The following MAPK4 variants were observed in gnomAD, a reference collection of about 807,000 sequenced individuals.
The protein encoded by MAPK4 is mitogen-activated protein kinase 4, also known as Erk3-related.
MAPK4 carries 22 observed loss-of-function variants against 47.7 expected under a neutral mutation model. That is an observed-to-expected ratio of 0.46 (90% CI 0.33 to 0.66). MAPK4 has a LOEUF of 0.66. MAPK4 is among the 30% of genes least tolerant of loss of function. The probability of loss-of-function intolerance (pLI) is 0.02; values close to 1 mark genes in which losing one functional copy is unlikely to be tolerated. For synonymous variants in MAPK4, 390 were observed against 365.7 expected, an observed-to-expected ratio of 1.07 and a Z score of -0.76; for missense variants, 736 against 831.7, an observed-to-expected ratio of 0.88 and a Z score of 1.42.
intron 1 of MAPK4, among the ~76,000 whole-genome samples, chr18:50,581,638 C>T (rs753328): frequency 0.72 from 108,517 of 151,644 alleles, 39,131 homozygotes; most frequent in Non-Finnish European, 0.76. Flanking sequence ...AACCATCACA[C>T]AAAGCAGGTG....
At chr18:50,655,632 T>A (rs1363252189) in intron 1 of MAPK4, among the ~76,000 whole-genome samples, 1 of 151,720 alleles carries the variant, frequency 6.6e-6, no homozygotes, top group Non-Finnish European at 1.5e-5. Flanking sequence ...TTCCTGGGGG[T>A]CCCCCTGCCG....
intron 5 of MAPK4, among the ~76,000 whole-genome samples, chr18:50,728,756 G>A (rs1040615156): frequency 2.0e-5 from 3 of 152,204 alleles, no homozygotes; most frequent in African/African-American, 7.2e-5. Flanking sequence ...ATCAACATCT[G>A]CATTTTAGCA....
rs192575864 is a variant in MAPK4, at chr18:50,641,293, C to T, written c.-870-21796C>T. On this transcript the variant is annotated intron_variant, in intron 1 of 5. Transcript: ENST00000400384. The stretch of plus-strand genomic sequence containing the variant: ...TCCTGATGGGATTTGGACAAGTTTC[C>T]CTACCTTTCTTGGGTCTCAGTTTTC... 3.3e-5 allele frequency among the ~76,000 whole-genome samples: 5 copies of T among 151,958 alleles called. 1 individual carries two copies. In the South Asian group the frequency reaches 1.0e-3, roughly 31 times the overall value.
chr18:50,613,348 C>A (rs780916605), intron 1 of MAPK4, among the ~76,000 whole-genome samples: 3 of 152,202 alleles, frequency 2.0e-5, no homozygotes, highest in Non-Finnish European at 4.4e-5. Context: ...CCTCTAAGAC[C>A]TGAGTAGCCT....
In MAPK4 at chr18:50,594,927, C is replaced by A. The variant is rs569470627; in HGVS notation, c.-871+34684C>A. Among the ~76,000 whole-genome samples, 37 of 152,252 alleles carry A rather than the reference C, an allele frequency of 2.4e-4. No individual in the cohort carries two copies. The South Asian group carries it at 4.4e-3, about 18-fold the overall frequency. The stretch of plus-strand genomic sequence containing the variant: ...AAACATGGCAAAAGACTTGAAAAGA[C>A]ATTTGATCTACAATTGGCCAGTCAA... On this transcript the variant is annotated intron_variant, in intron 1 of 5. Transcript: ENST00000400384.
chr18:50,695,338 T>TA lies in MAPK4; in HGVS notation c.547-19715dup, dbSNP rs59857315. Among the ~76,000 whole-genome samples, 438 of 84,684 alleles carry TA rather than the reference T, an allele frequency of 5.2e-3. 7 individuals carry two copies. Among genetic ancestry groups the TA allele is most frequent in the Non-Finnish European group, 5.9e-3 (265 of 44,874 alleles). The allele number at this position is 84,684 out of a possible 152,430, so 55.6% of individuals were successfully genotyped here. A position where few individuals can be genotyped will look rare whatever the true frequency, so the allele number is the denominator to read the frequency against. On this transcript the variant is annotated intron_variant, in intron 2 of 5. Coordinates refer to ENST00000400384, the MANE Select transcript of MAPK4 (RefSeq NM_002747.4). ...CCTGGCCTAGGTCAAGGCTCCATCTTAAAAAAAAAAAAAAAAAAAAAAAAA... is the reference window on the plus strand; with the variant it reads ...CCTGGCCTAGGTCAAGGCTCCATCTTAAAAAAAAAAAAAAAAAAAAAAAAAA...
chr18:50,704,991 T>TG, intron 2 of MAPK4: 1 of 382,378 alleles, frequency 2.6e-6, no homozygotes, highest in Non-Finnish European at 4.6e-6. Flanking sequence ...AATAAAGCTC[T>TG]GAGTCTGACC....
intron 1 of MAPK4, among the ~76,000 whole-genome samples, chr18:50,623,445 A>G (rs1222696361): frequency 6.6e-6 from 1 of 152,290 alleles, no homozygotes; most frequent in East Asian, 1.9e-4. Flanking sequence ...GTCCAGCAAA[A>G]TAATTATCTT....
At chr18:50,649,662 A>G (rs1457399003) in intron 1 of MAPK4, among the ~76,000 whole-genome samples, 2 of 152,218 alleles carry the variant, frequency 1.3e-5, no homozygotes, top group African/African-American at 4.8e-5. Flanking sequence ...GCTCTGGCCC[A>G]TGCATTGGGT....
chr18:50,649,129 C>G (rs1245765861), intron 1 of MAPK4, among the ~76,000 whole-genome samples: 4 of 152,158 alleles, frequency 2.6e-5, no homozygotes, highest in Non-Finnish European at 4.4e-5. Context: ...AATCTTCCAT[C>G]CCAACCCCAG....
intron 2 of MAPK4, among the ~76,000 whole-genome samples, chr18:50,699,060 T>C (rs1909650544): frequency 1.3e-5 from 2 of 152,048 alleles, no homozygotes; most frequent in Admixed American, 1.3e-4. Context: ...ATATAAAATA[T>C]ATCCAAATTG....
At chr18:50,675,316 A>ATTTT (rs543288077) in intron 2 of MAPK4, among the ~76,000 whole-genome samples, 1 of 128,430 alleles carries the variant, frequency 7.8e-6, no homozygotes, top group African/African-American at 2.9e-5. Context: ...TTGGCAAACC[A>ATTTT]TTTTTTTTTT....
chr18:50,566,341 G>A (rs56156339), intron 1 of MAPK4, among the ~76,000 whole-genome samples: 9,092 of 152,242 alleles, frequency 0.06, 356 homozygotes, highest in Non-Finnish European at 0.087. Flanking sequence ...AGATTTTAGG[G>A]GTTTCTGGCC....
At chr18:50,721,284 C>G (rs1183519302) in intron 3 of MAPK4, among the ~76,000 whole-genome samples, 4 of 152,068 alleles carry the variant, frequency 2.6e-5, no homozygotes, top group Admixed American at 2.6e-4. Context: ...CAGCGTGATG[C>G]CTGGCATGGA....
At chr18:50,630,190 C>T (rs545921758) in intron 1 of MAPK4, among the ~76,000 whole-genome samples, 1 of 152,242 alleles carries the variant, frequency 6.6e-6, no homozygotes, top group East Asian at 1.9e-4. Flanking sequence ...CTGTTTCCTC[C>T]TGTCTTTTTT....
chr18:50,703,748 A>G (rs755367690), intron 2 of MAPK4, among the ~76,000 whole-genome samples: 1 of 152,176 alleles, frequency 6.6e-6, no homozygotes, highest in Non-Finnish European at 1.5e-5. Context: ...CCCCATCTAG[A>G]AGATTCTGAG....
chr18:50,605,500 C>T (rs1442447324), intron 1 of MAPK4, among the ~76,000 whole-genome samples: 1 of 152,210 alleles, frequency 6.6e-6, no homozygotes, highest in African/African-American at 2.4e-5. Context: ...AAGCTGCTTC[C>T]ACCTTGCAAG....
chr18:50,689,731 AT>A (rs1183176726), intron 2 of MAPK4, among the ~76,000 whole-genome samples: 5 of 152,132 alleles, frequency 3.3e-5, no homozygotes, highest in African/African-American at 1.2e-4. Flanking sequence ...CCTTGACAAA[AT>A]TTTAAAAAAG....
chr18:50,577,808 A>G (rs944886593), intron 1 of MAPK4, among the ~76,000 whole-genome samples: 4 of 152,204 alleles, frequency 2.6e-5, no homozygotes, highest in African/African-American at 7.2e-5. Context: ...CATTGTGGCT[A>G]CCAGTAGAAC....
Sources: allele counts gnomAD v4.1 joint callset (sites outside exome capture counted in the v4.1 genomes callset), GRCh38; gene constraint gnomAD v4.1.1; transcripts MANE v1.5; gene names NCBI Gene and HGNC (gene_info 2026-07-23, HGNC 2026-07-21).